Variants in KLF12 observed in about 807,000 individuals in gnomAD.
The protein encoded by KLF12 is KLF transcription factor 12.
Under a neutral mutation model 37.8 loss-of-function variants are expected in KLF12, and 9 were observed. That is an observed-to-expected ratio of 0.24 (90% CI 0.14 to 0.42). KLF12 has a LOEUF of 0.42. Among genes scored for constraint, KLF12 ranks in the 10% least tolerant of loss-of-function variants. The pLI, the probability that KLF12 is intolerant of heterozygous loss-of-function variation, is 1.00. For missense variants in KLF12, 411 were observed against 516.0 expected (o/e 0.80, Z 1.97); for synonymous variants, 208 against 202.1 (o/e 1.03, Z -0.25).
chr13:73,879,322 G>A (rs781020778), intron 3 of KLF12, among the ~76,000 whole-genome samples: 1 of 152,174 alleles, frequency 6.6e-6, no homozygotes, highest in Non-Finnish European at 1.5e-5. Flanking sequence ...TCACTGTTTG[G>A]TGAAGCCTTC....
intron 7 of KLF12, among the ~76,000 whole-genome samples, chr13:73,700,170 G>A (rs1874439333): frequency 6.6e-6 from 1 of 152,090 alleles, no homozygotes; most frequent in African/African-American, 2.4e-5. Context: ...GGGAGGCTGA[G>A]GCATGAGAAT....
At chr13:74,290,355 C>A in the KLF12 span, among the ~76,000 whole-genome samples, 1 of 152,216 alleles carries the variant, frequency 6.6e-6, no homozygotes, top group Non-Finnish European at 1.5e-5. Context: ...GCTATTATCC[C>A]TGTGAAACAC....
intron 4 of KLF12, among the ~76,000 whole-genome samples, chr13:73,821,479 ATTCAT>A (rs1362961917): frequency 6.6e-6 from 1 of 152,156 alleles, no homozygotes; most frequent in Non-Finnish European, 1.5e-5. Flanking sequence ...CCAAACTTTG[ATTCAT>A]TTCATTTGTG....
chr13:73,848,066 TA>T (rs1353873443), intron 3 of KLF12, among the ~76,000 whole-genome samples: 3 of 152,214 alleles, frequency 2.0e-5, no homozygotes, highest in Non-Finnish European at 4.4e-5. Flanking sequence ...CACATATTAT[TA>T]AACACCACTA....
intron 3 of KLF12, among the ~76,000 whole-genome samples, chr13:73,940,960 C>T (rs1034363036): frequency 2.0e-5 from 3 of 152,212 alleles, no homozygotes; most frequent in Admixed American, 6.5e-5. Flanking sequence ...CTTTCTAACA[C>T]GCAGCAGAGA....
Position 73,935,440 on chromosome 13 carries a change from G to A in KLF12, c.123+8541C>T, listed in dbSNP as rs570004586. Among the ~76,000 whole-genome samples, 7 of 152,056 alleles carry A rather than the reference G, an allele frequency of 4.6e-5. No homozygotes were observed. In the East Asian group the frequency reaches 9.7e-4, roughly 21 times the overall value. On this transcript the variant is annotated intron_variant, in intron 3 of 7. Transcript: ENST00000377669. The stretch of plus-strand genomic sequence containing the variant: ...CCCTTCAAATCTCATGTTGAAATGC[G>A]ACCTCCAATGTTAGAGGTGGGCCTA...
At chr13:73,978,546 T>C (rs1045674036) in intron 2 of KLF12, among the ~76,000 whole-genome samples, 6 of 152,178 alleles carry the variant, frequency 3.9e-5, no homozygotes, top group African/African-American at 1.4e-4. Flanking sequence ...AGACAGTTTG[T>C]TAGACTCCTA....
At chr13:74,129,688 G>GAA (rs35405958) in intron 1 of KLF12, among the ~76,000 whole-genome samples, 3 of 134,316 alleles carry the variant, frequency 2.2e-5, no homozygotes, top group Non-Finnish European at 3.2e-5. Flanking sequence ...ACTTTAAGTT[G>GAA]AAAAAAAAAA....
At chr13:73,838,783 CT>C (rs1275156157) in intron 4 of KLF12, among the ~76,000 whole-genome samples, 1 of 152,128 alleles carries the variant, frequency 6.6e-6, no homozygotes, top group East Asian at 1.9e-4. Flanking sequence ...CATTTGATTG[CT>C]TTTGTGTGGC....
the KLF12 span, among the ~76,000 whole-genome samples, chr13:74,160,122 C>A: frequency 6.6e-6 from 1 of 151,032 alleles, no homozygotes; most frequent in Non-Finnish European, 1.5e-5. Flanking sequence ...CTTATGAATA[C>A]TTTGCAGTTT....
chr13:73,699,328 A>G (rs183171374), intron 7 of KLF12, among the ~76,000 whole-genome samples: 2 of 152,224 alleles, frequency 1.3e-5, no homozygotes, highest in African/African-American at 4.8e-5. Flanking sequence ...TGGTCTACAG[A>G]TGTGCTATGA....
chr13:74,142,373 C>T, the KLF12 span, among the ~76,000 whole-genome samples: 1 of 152,234 alleles, frequency 6.6e-6, no homozygotes, highest in Non-Finnish European at 1.5e-5. Flanking sequence ...AGCAGCAGCA[C>T]ATGAGCTGAT....
At chr13:73,874,391 C>A (rs1886608499) in intron 3 of KLF12, among the ~76,000 whole-genome samples, 1 of 152,268 alleles carries the variant, frequency 6.6e-6, no homozygotes, top group South Asian at 2.1e-4. Flanking sequence ...TTACGCACTA[C>A]CATAAATTAG....
chr13:73,994,465 G>A (rs1482922870), intron 2 of KLF12, among the ~76,000 whole-genome samples: 2 of 146,208 alleles, frequency 1.4e-5, no homozygotes, highest in East Asian at 2.1e-4. Flanking sequence ...AATTCACAGC[G>A]CCCCCCCCAC....
At chr13:74,001,494 T>C (rs1892280771) in intron 1 of KLF12, among the ~76,000 whole-genome samples, 1 of 152,190 alleles carries the variant, frequency 6.6e-6, no homozygotes, top group Non-Finnish European at 1.5e-5. Context: ...GGTAAATAGT[T>C]AAAAGTTTTA....
chr13:74,060,492 G>GTGTGTGTGTGTGTGTC (rs765698198), intron 1 of KLF12, among the ~76,000 whole-genome samples: 2 of 103,234 alleles, frequency 1.9e-5, no homozygotes, highest in African/African-American at 6.5e-5. Context: ...TTTTGTGTGT[G>GTGTGTGTGTGTGTGTC]TGTGTGTGTG....
At chr13:74,032,004 C>T (rs189312063) in intron 1 of KLF12, among the ~76,000 whole-genome samples, 42 of 152,102 alleles carry the variant, frequency 2.8e-4, no homozygotes, top group East Asian at 5.8e-4. Context: ...TAGGCTACAC[C>T]ATGTCCAAAG....
At chr13:74,022,984 G>C (rs1045939486) in intron 1 of KLF12, among the ~76,000 whole-genome samples, 1 of 150,828 alleles carries the variant, frequency 6.6e-6, no homozygotes. Context: ...TGGGGCTCAC[G>C]CATCAGTAAG....
chr13:74,086,793 G>A (rs1404933531), intron 1 of KLF12, among the ~76,000 whole-genome samples: 2 of 152,056 alleles, frequency 1.3e-5, no homozygotes, highest in Non-Finnish European at 2.9e-5. Context: ...AACACAAACA[G>A]TAGATTAAAA....
Sources: gnomAD v4.1 joint callset for allele counts (sites outside exome capture counted in the v4.1 genomes callset) on GRCh38, gnomAD v4.1.1 for gene constraint, MANE v1.5 for transcripts, NCBI Gene and HGNC (gene_info 2026-07-23, HGNC 2026-07-21) for gene names.